BCAS1: variants seen among roughly 807,000 people sequenced by gnomAD.
The protein encoded by BCAS1 is brain enriched myelin associated protein 1.
BCAS1 carries 46 observed loss-of-function variants against 65.4 expected under a neutral mutation model. The ratio of observed to expected loss-of-function variants is 0.70; its 90% CI spans 0.55 to 0.90. The LOEUF (loss-of-function observed/expected upper bound fraction) is 0.90. Among genes scored for constraint, BCAS1 ranks in the 40% least tolerant of loss-of-function variants. The probability of loss-of-function intolerance (pLI) is 0.00; values close to 1 mark genes in which losing one functional copy is unlikely to be tolerated. For missense variants in BCAS1, 793 were observed against 771.2 expected (o/e 1.03, Z -0.33); for synonymous variants, 298 against 293.5 (o/e 1.02, Z -0.16).
Position 54,033,962 on chromosome 20 carries a change from T to C in BCAS1, c.143-4990A>G, listed in dbSNP as rs576440329. ...GCTTATCCACCATGATCAAGTAGAA[T>C]GCAAGTTGGTTCAACATATACAAAT... On this transcript the variant is annotated intron_variant, in intron 3 of 12. Transcript: ENST00000688948. 1.7e-3 allele frequency among the ~76,000 whole-genome samples: 264 copies of C among 151,406 alleles called. 8 individuals are homozygous for C. The highest frequency in any genetic ancestry group is 3.0e-3 in the Non-Finnish European group (203 of 67,550).
At chr20:54,055,064 G>C (rs1483957139) in intron 3 of BCAS1, among the ~76,000 whole-genome samples, 1 of 152,118 alleles carries the variant, frequency 6.6e-6, no homozygotes, top group Non-Finnish European at 1.5e-5. Flanking sequence ...GGAGGATGGA[G>C]AGAAGGATAG....
At chr20:54,052,289 A>ACTGAT (rs1393195580) in intron 3 of BCAS1, among the ~76,000 whole-genome samples, 3 of 152,042 alleles carry the variant, frequency 2.0e-5, no homozygotes, top group African/African-American at 7.2e-5. Flanking sequence ...CCTAGCAACC[A>ACTGAT]CTGATCTACT....
intron 1 of BCAS1, among the ~76,000 whole-genome samples, chr20:54,059,431 TA>T (rs751875248): frequency 2.6e-5 from 4 of 152,198 alleles, no homozygotes; most frequent in East Asian, 1.9e-4. Flanking sequence ...GAAATAATAA[TA>T]TTTTTTTCTG....
intron 4 of BCAS1, among the ~76,000 whole-genome samples, chr20:54,015,861 A>AT (rs1249427188): frequency 1.3e-5 from 2 of 152,166 alleles, no homozygotes; most frequent in African/African-American, 2.4e-5. Context: ...AGATGGTGGC[A>AT]TTTTTTTACT....
At chr20:53,956,775 C>T (rs2089713424) in intron 11 of BCAS1, among the ~76,000 whole-genome samples, 1 of 151,970 alleles carries the variant, frequency 6.6e-6, no homozygotes, top group Non-Finnish European at 1.5e-5. Flanking sequence ...TATTTGATGC[C>T]ATTTTTTGTG....
chr20:54,057,998 AT>A (rs796265852), intron 3 of BCAS1, 86 bp downstream of exon 3: 105,276 of 771,516 alleles, frequency 0.14, 45 homozygotes, highest in East Asian at 0.23. Flanking sequence ...CGACCCTTTC[AT>A]TTTTTTTTTT....
chr20:54,059,615 A>T (rs1034981331), intron 1 of BCAS1, among the ~76,000 whole-genome samples: 1 of 152,182 alleles, frequency 6.6e-6, no homozygotes, highest in Non-Finnish European at 1.5e-5. Context: ...TGTTCTGAGA[A>T]ATGCATCATT....
At chr20:53,975,961 G>A (rs2090323342) in intron 8 of BCAS1, among the ~76,000 whole-genome samples, 1 of 152,176 alleles carries the variant, frequency 6.6e-6, no homozygotes, top group Non-Finnish European at 1.5e-5. Context: ...AGCAGGGGCC[G>A]CTGCTTTCGT....
At chr20:54,061,249 A>C (rs111734647) in intron 1 of BCAS1, among the ~76,000 whole-genome samples, 9 of 152,318 alleles carry the variant, frequency 5.9e-5, no homozygotes, top group African/African-American at 2.2e-4. Context: ...AACCACCGGA[A>C]TGTTCTGCAT....
chr20:53,989,311 C>T (rs904252625), intron 7 of BCAS1, among the ~76,000 whole-genome samples: 71 of 152,244 alleles, frequency 4.7e-4, no homozygotes, highest in African/African-American at 1.6e-3. Flanking sequence ...AAAAACATTA[C>T]AAGGGCATGA....
At chr20:54,022,486 C>T (rs1285637673) in intron 4 of BCAS1, among the ~76,000 whole-genome samples, 1 of 152,170 alleles carries the variant, frequency 6.6e-6, no homozygotes, top group Non-Finnish European at 1.5e-5. Flanking sequence ...ATATTATCTT[C>T]TAACTTTACA....
intron 4 of BCAS1, among the ~76,000 whole-genome samples, chr20:53,999,632 T>A (rs890415280): frequency 1.3e-5 from 2 of 152,122 alleles, no homozygotes; most frequent in Admixed American, 1.3e-4. Context: ...TCTTTGAACA[T>A]GTCAAGTAGG....
intron 4 of BCAS1, among the ~76,000 whole-genome samples, chr20:54,006,471 A>G (rs1022323549): frequency 3.9e-5 from 6 of 152,180 alleles, no homozygotes; most frequent in Admixed American, 3.9e-4. Flanking sequence ...GCACTTTGGG[A>G]GACCGAGGCA....
chr20:54,057,407 G>A (rs907699723), intron 3 of BCAS1, among the ~76,000 whole-genome samples: 14 of 152,194 alleles, frequency 9.2e-5, no homozygotes, highest in African/African-American at 3.4e-4. Flanking sequence ...TGAGAAAACT[G>A]AGGCTGAGAA....
intron 8 of BCAS1, among the ~76,000 whole-genome samples, chr20:53,983,114 G>A (rs1600776978): frequency 4.6e-5 from 7 of 152,170 alleles, no homozygotes; most frequent in Admixed American, 3.9e-4. Context: ...TTTTTCAAAG[G>A]AATAGCTTGA....
At chr20:53,950,053 C>T (rs1051067160) in intron 12 of BCAS1, among the ~76,000 whole-genome samples, 8 of 152,166 alleles carry the variant, frequency 5.3e-5, no homozygotes, top group South Asian at 2.1e-4. Flanking sequence ...ATAAAATCTT[C>T]GAATGTTATC....
At position 53,995,881 on chromosome 20, in the gene BCAS1, A is replaced by C. The variant is rs2090893574; in HGVS notation, c.882+11T>G. 2 of 1,586,724 alleles carry C rather than the reference A, an allele frequency of 1.3e-6. No individual in the cohort carries two copies. The highest frequency in any genetic ancestry group is 1.7e-6 in the Non-Finnish European group (2 of 1,166,402). ...ATAGAGTGGAGGGGAAAAGAGGAGA[A>C]AACTGCTTACCAGAGTTTTAAAGAA... On this transcript the variant is annotated intron_variant, in intron 5 of 12. Transcript: ENST00000688948.
chr20:53,953,547 G>A lies in BCAS1; in HGVS notation c.1700C>T (p.Pro567Leu). ...CGTGGCCTGCTCTGTGCACTGGGCT[G>A]GTTCTTTGGCTTCCTGCTTGTTGCT... is the stretch of plus-strand genomic sequence containing the variant. ...QKSNKQEAKE[P>L]AQCTEQATVD... The change falls in exon 12 of 13, where the codon CCA becomes CTA. Residue 567 changes from proline to leucine, a missense_variant. Pro to Leu is a moderately conservative substitution (Grantham distance 98). Transcript: ENST00000688948. The A allele has an allele frequency of 6.2e-7, 1 of 1,613,876 alleles. No homozygotes were observed. Among genetic ancestry groups the A allele is most frequent in the Non-Finnish European group, 8.5e-7 (1 of 1,179,992 alleles).
intron 4 of BCAS1, 148 bp from the exon 5 acceptor site, chr20:53,996,198 A>C (rs1174864887): frequency 2.7e-6 from 2 of 742,140 alleles, no homozygotes; most frequent in Non-Finnish European, 4.1e-6. Flanking sequence ...ATGAGATTAT[A>C]AGAGTCACTC....
Sources: allele counts gnomAD v4.1 joint callset (sites outside exome capture counted in the v4.1 genomes callset), GRCh38; gene constraint gnomAD v4.1.1; transcripts MANE v1.5; gene names NCBI Gene and HGNC (gene_info 2026-07-23, HGNC 2026-07-21).